Variants in SGPP2 observed in about 807,000 individuals in gnomAD.
The protein encoded by SGPP2 is sphingosine-1-phosphate phosphatase 2, also known as sphingosine 1-phosphate phosphohydrolase 2.
Under a neutral mutation model 33.9 loss-of-function variants are expected in SGPP2, and 30 were observed. The observed-to-expected ratio is 0.89, with a 90% CI of 0.66 to 1.20. SGPP2 has a LOEUF of 1.20. Ranked by LOEUF, SGPP2 falls within the 50% of genes most tolerant of loss-of-function variation. The probability of loss-of-function intolerance (pLI) is 0.00; values close to 1 mark genes in which losing one functional copy is unlikely to be tolerated. For synonymous variants in SGPP2, 233 were observed against 225.0 expected (o/e 1.04, Z -0.32); for missense variants, 458 against 532.1 (o/e 0.86, Z 1.37).
intron 1 of SGPP2, chr2:222,452,515 T>A (rs1697507488): frequency 1.0e-6 from 1 of 955,054 alleles, no homozygotes; most frequent in African/African-American, 1.6e-5. Context: ...CCCAGCAGTT[T>A]CCAAGGCAAA....
intron 4 of SGPP2, among the ~76,000 whole-genome samples, chr2:222,538,009 C>T (rs1455833527): frequency 6.6e-6 from 1 of 152,216 alleles, no homozygotes; most frequent in Non-Finnish European, 1.5e-5. Flanking sequence ...AAAGACTGAA[C>T]TGTTGCATGC....
chr2:222,499,431 A>G (rs6436322), intron 2 of SGPP2, among the ~76,000 whole-genome samples: 136,485 of 152,242 alleles, frequency 0.9, 61,616 homozygotes, highest in East Asian at 1. Context: ...GTGAACTGGC[A>G]TCAGGCAGAG....
intron 4 of SGPP2, among the ~76,000 whole-genome samples, chr2:222,543,368 C>T (rs1299644412): frequency 2.6e-5 from 4 of 152,162 alleles, no homozygotes; most frequent in Non-Finnish European, 5.9e-5. Context: ...TACAGTCGTT[C>T]CCTGTTATCC....
At chr2:222,540,268 G>T (rs1698971814) in intron 4 of SGPP2, among the ~76,000 whole-genome samples, 1 of 152,010 alleles carries the variant, frequency 6.6e-6, no homozygotes, top group African/African-American at 2.4e-5. Flanking sequence ...ATAACCTAAA[G>T]GTAATTTTAT....
chr2:222,473,005 C>T (rs752679512), intron 1 of SGPP2, among the ~76,000 whole-genome samples: 13 of 152,062 alleles, frequency 8.5e-5, no homozygotes, highest in Non-Finnish European at 1.8e-4. Flanking sequence ...CAGAGCGAGA[C>T]TCGGTCTCAA....
chr2:222,446,900 T>G (rs1054250097), intron 1 of SGPP2, among the ~76,000 whole-genome samples: 1 of 152,182 alleles, frequency 6.6e-6, no homozygotes, highest in African/African-American at 2.4e-5. Context: ...GATTGAGTTG[T>G]AAAGGAAGTC....
At chr2:222,557,896 T>A (rs777975885) in intron 4 of SGPP2, among the ~76,000 whole-genome samples, 30 of 152,328 alleles carry the variant, frequency 2.0e-4, no homozygotes, top group Non-Finnish European at 2.8e-4. Context: ...AACACTGATG[T>A]GCTTGCTGTG....
intron 2 of SGPP2, among the ~76,000 whole-genome samples, chr2:222,518,616 C>T (rs1046667170): frequency 6.6e-6 from 1 of 152,104 alleles, no homozygotes; most frequent in African/African-American, 2.4e-5. Context: ...AGATAATGGT[C>T]AGTTAGTTGT....
In SGPP2 at chr2:222,477,005, ATGTG is replaced by A. The variant is rs1697947120; in HGVS notation, c.378+2283_378+2286del. Among the ~76,000 whole-genome samples, 1 of 151,200 alleles carries A rather than the reference ATGTG, an allele frequency of 6.6e-6. No homozygotes were observed. The highest frequency in any genetic ancestry group is 2.4e-5 in the African/African-American group (1 of 41,032). ...AGGTGTGTGTATATTTTGTGTATTT[ATGTG>A]TGTATGTATATAGGTGTGTATATAT... On this transcript the variant is annotated intron_variant, in intron 2 of 4. Transcript: ENST00000321276. This position sits in a 1 kb window ranked among gnomAD's most constrained non-coding sequence, Gnocchi z 6.0.
chr2:222,552,486 C>T (rs1002458180), intron 4 of SGPP2, among the ~76,000 whole-genome samples: 1 of 152,004 alleles, frequency 6.6e-6, no homozygotes, highest in South Asian at 2.1e-4. Flanking sequence ...GAGAGGGGGG[C>T]GAGAGATAAA....
chr2:222,424,876 G>A (rs1697036868), intron 1 of SGPP2, 55 bp downstream of exon 1: 4 of 1,245,798 alleles, frequency 3.2e-6, no homozygotes, highest in Non-Finnish European at 4.1e-6. Flanking sequence ...GCGGACGTGC[G>A]GGTCCCTGCG....
intron 1 of SGPP2, among the ~76,000 whole-genome samples, chr2:222,455,027 C>T (rs1008045098): frequency 3.3e-5 from 5 of 152,050 alleles, no homozygotes; most frequent in African/African-American, 1.2e-4. Context: ...TCCTTGCCTT[C>T]AAGGAGCTTG....
At chr2:222,540,087 C>T (rs930152359) in intron 4 of SGPP2, among the ~76,000 whole-genome samples, 7 of 152,148 alleles carry the variant, frequency 4.6e-5, no homozygotes, top group Admixed American at 3.9e-4. Context: ...AAAGTCTCTT[C>T]GGTCATATAG....
chr2:222,501,358 T>C (rs565950997), intron 2 of SGPP2, among the ~76,000 whole-genome samples: 38 of 152,312 alleles, frequency 2.5e-4, no homozygotes, highest in African/African-American at 9.1e-4. Context: ...CTTAGATCTT[T>C]TCTGAATTCT....
intron 1 of SGPP2, among the ~76,000 whole-genome samples, chr2:222,473,792 T>C (rs554223484): frequency 9.8e-4 from 149 of 151,894 alleles, no homozygotes; most frequent in African/African-American, 2.9e-3. Context: ...GGTGTGGTGG[T>C]GCATGCCTGT....
chr2:222,491,938 A>G (rs931675475), intron 2 of SGPP2, among the ~76,000 whole-genome samples: 2 of 152,224 alleles, frequency 1.3e-5, no homozygotes, highest in Non-Finnish European at 2.9e-5. Flanking sequence ...GAAATTGGCC[A>G]AAACAAAGGG....
At chr2:222,517,270 C>G (rs930399620) in intron 2 of SGPP2, among the ~76,000 whole-genome samples, 10 of 152,144 alleles carry the variant, frequency 6.6e-5, no homozygotes, top group African/African-American at 2.4e-4. Flanking sequence ...TATCCTGTAC[C>G]CATATAAACC....
intron 2 of SGPP2, among the ~76,000 whole-genome samples, chr2:222,500,376 G>A (rs13000510): frequency 0.05 from 7,666 of 152,160 alleles, 263 homozygotes; most frequent in Middle Eastern, 0.095. Context: ...AAAAAGGGAG[G>A]GAGCAATGAG....
Position 222,558,918 on chromosome 2 carries a change from T to C in SGPP2, c.*20T>C. 6.3e-7 allele frequency: 1 copy of C among 1,590,416 alleles called. No individual in the cohort carries two copies. The highest frequency in any genetic ancestry group is 8.6e-7 in the Non-Finnish European group (1 of 1,161,506). On this transcript the variant is annotated 3_prime_UTR_variant, in exon 5 of 5. Transcript: ENST00000321276. ...CCCTGAGTCTCAAACAGTTGGAAAC[T>C]AGCCCACTGGACATGAAAGCCAAGA...
Sources: allele counts gnomAD v4.1 joint callset (sites outside exome capture counted in the v4.1 genomes callset), GRCh38; gene constraint gnomAD v4.1.1; non-coding constraint Gnocchi (gnomAD v3.1); transcripts MANE v1.5; gene names NCBI Gene and HGNC (gene_info 2026-07-23, HGNC 2026-07-21).